Variants in PHF24 observed in about 807,000 individuals in gnomAD.
The protein encoded by PHF24 is PHD finger protein 24, also known as Galpha inhibitory interacting protein.
PHF24 carries 25 observed loss-of-function variants against 42.6 expected under a neutral mutation model. The ratio of observed to expected loss-of-function variants is 0.59; its 90% confidence interval spans 0.43 to 0.82. The LOEUF is 0.82. Ranked by LOEUF, PHF24 falls within the 40% of genes least tolerant of loss-of-function variation. PHF24 has a pLI of 0.00. For synonymous variants in PHF24, 185 were observed against 204.8 expected, an observed-to-expected ratio of 0.90 and a Z score of 0.83; for missense variants, 470 against 538.1, an observed-to-expected ratio of 0.87 and a Z score of 1.25.
chr9:34,890,477 T>C, the PHF24 span, among the ~76,000 whole-genome samples: 3 of 152,182 alleles, frequency 2.0e-5, no homozygotes, highest in Admixed American at 2.0e-4. Flanking sequence ...GGGTGTGAGA[T>C]CCCAGAATCC....
At chr9:34,895,198 A>G in the PHF24 span, 1 of 397,308 alleles carries the variant, frequency 2.5e-6, no homozygotes, top group Admixed American at 4.4e-5. Context: ...AATTTTATAT[A>G]CTCTTCTATC....
the PHF24 span, among the ~76,000 whole-genome samples, chr9:34,733,609 T>G: frequency 6.6e-6 from 1 of 152,094 alleles, no homozygotes; most frequent in Non-Finnish European, 1.5e-5. Flanking sequence ...CAAGCGATCT[T>G]CCCACCTCAG....
At chr9:34,790,880 G>C in the PHF24 span, among the ~76,000 whole-genome samples, 137,753 of 152,074 alleles carry the variant, frequency 0.91, 63,263 homozygotes, top group Non-Finnish European at 0.99. Flanking sequence ...TTGCAAAGGT[G>C]CCAAGAGGGG....
At chr9:34,709,811 C>T in the PHF24 span, 2 of 1,613,762 alleles carry the variant, frequency 1.2e-6, no homozygotes, top group Non-Finnish European at 1.7e-6. Flanking sequence ...AAGCTTGGTT[C>T]CTGCTTCCGG....
the PHF24 span, among the ~76,000 whole-genome samples, chr9:34,671,687 G>A: frequency 6.6e-6 from 1 of 152,214 alleles, no homozygotes; most frequent in African/African-American, 2.4e-5. Context: ...CCAGAGAACT[G>A]TTCTGCCAGA....
chr9:34,961,883 T>G (rs1826599862), intron 1 of PHF24, among the ~76,000 whole-genome samples: 1 of 152,258 alleles, frequency 6.6e-6, no homozygotes, highest in Non-Finnish European at 1.5e-5. Flanking sequence ...TGCTTCATCT[T>G]ACTGGGGTCC....
the PHF24 span, among the ~76,000 whole-genome samples, chr9:34,734,700 T>C: frequency 1.3e-5 from 2 of 152,186 alleles, no homozygotes; most frequent in African/African-American, 4.8e-5. Context: ...TCAGAAGTAT[T>C]CCAGCTGGGG....
At chr9:34,880,551 G>T in the PHF24 span, among the ~76,000 whole-genome samples, 1 of 152,164 alleles carries the variant, frequency 6.6e-6, no homozygotes, top group Non-Finnish European at 1.5e-5. Flanking sequence ...AGCAGGGGTT[G>T]CAGTCCTAGT....
the PHF24 span, chr9:34,709,928 G>C: frequency 2.5e-6 from 4 of 1,614,154 alleles, no homozygotes; most frequent in Non-Finnish European, 3.4e-6. Flanking sequence ...GGAGCCAGGG[G>C]CTGCTGGCAA....
the PHF24 span, among the ~76,000 whole-genome samples, chr9:34,761,914 T>C: frequency 6.6e-6 from 1 of 152,152 alleles, no homozygotes; most frequent in East Asian, 1.9e-4. Flanking sequence ...TTCTCATTGC[T>C]CAATTCCCAC....
chr9:34,845,777 G>C, the PHF24 span, among the ~76,000 whole-genome samples: 3 of 121,374 alleles, frequency 2.5e-5, no homozygotes, highest in Admixed American at 3.5e-4. Context: ...AGTCCCCAGA[G>C]TGTGATGTTC....
At chr9:34,851,575 C>T in the PHF24 span, among the ~76,000 whole-genome samples, 3 of 152,244 alleles carry the variant, frequency 2.0e-5, no homozygotes, top group African/African-American at 7.2e-5. Context: ...ATGCCTCGCC[C>T]TGCTTCGGCT....
chr9:34,676,026 G>A, the PHF24 span, among the ~76,000 whole-genome samples: 1 of 152,176 alleles, frequency 6.6e-6, no homozygotes, highest in Non-Finnish European at 1.5e-5. Flanking sequence ...GAAAGGGCTA[G>A]TGGTGGGAGA....
At chr9:34,947,559 A>T in the PHF24 span, among the ~76,000 whole-genome samples, 2 of 149,842 alleles carry the variant, frequency 1.3e-5, no homozygotes, top group Admixed American at 1.3e-4. Context: ...CTACTTATTT[A>T]AAAAAAATAG....
chr9:34,705,291 G>A, the PHF24 span, among the ~76,000 whole-genome samples: 1 of 151,922 alleles, frequency 6.6e-6, no homozygotes, highest in South Asian at 2.1e-4. Context: ...GGGCTCTTGG[G>A]GGTTTATGCC....
chr9:34,871,246 G>A, the PHF24 span, among the ~76,000 whole-genome samples: 1 of 152,210 alleles, frequency 6.6e-6, no homozygotes, highest in Admixed American at 6.5e-5. Context: ...TACCTTCTTT[G>A]GTGAGGAGTC....
the PHF24 span, among the ~76,000 whole-genome samples, chr9:34,732,861 T>G: frequency 1.3e-5 from 2 of 152,240 alleles, no homozygotes; most frequent in Non-Finnish European, 2.9e-5. Context: ...ATATATCTTC[T>G]GTATATAATT....
exon 8 of PHF24, chr9:34,981,722 A>C (rs893388882): frequency 4.6e-5 from 7 of 151,618 alleles, no homozygotes; most frequent in Admixed American, 1.3e-4. Context: ...ACAGTGAAAT[A>C]AAATTCCTAT....
At chr9:34,796,861 A>T in the PHF24 span, among the ~76,000 whole-genome samples, 1 of 152,264 alleles carries the variant, frequency 6.6e-6, no homozygotes, top group Non-Finnish European at 1.5e-5. Flanking sequence ...AAAACTTGTT[A>T]TACGCCAATG....
Sources: gnomAD v4.1 joint callset for allele counts (sites outside exome capture counted in the v4.1 genomes callset) on GRCh38, gnomAD v4.1.1 for gene constraint, MANE v1.5 for transcripts, NCBI Gene and HGNC (gene_info 2026-07-23, HGNC 2026-07-21) for gene names.